SMIM31: variants seen among roughly 807,000 people sequenced by gnomAD.
SMIM31 encodes the protein small integral membrane protein 31, also known as human epithelial cell program regulator.
chr4:164,774,664 T>A (rs1358520203), intron 2 of SMIM31, among the ~76,000 whole-genome samples: 2 of 152,196 alleles, frequency 1.3e-5, no homozygotes, highest in African/African-American at 2.4e-5. Context: ...CACATCAACA[T>A]CTCATCCATT....
intron 1 of SMIM31, among the ~76,000 whole-genome samples, chr4:164,758,044 T>G (rs1732589666): frequency 6.6e-6 from 1 of 152,170 alleles, no homozygotes; most frequent in Non-Finnish European, 1.5e-5. Flanking sequence ...CGTATATCTC[T>G]CAATTTATTT....
intron 2 of SMIM31, among the ~76,000 whole-genome samples, chr4:164,774,476 A>G (rs1732855276): frequency 6.6e-6 from 1 of 152,200 alleles, no homozygotes; most frequent in South Asian, 2.1e-4. Context: ...ACCCCAAAAT[A>G]GTGTGAAGTG....
intron 2 of SMIM31, among the ~76,000 whole-genome samples, chr4:164,785,974 G>T (rs1233006345): frequency 2.0e-5 from 3 of 152,212 alleles, no homozygotes; most frequent in Admixed American, 2.0e-4. Context: ...AGGGATGGTG[G>T]TTGTCCCTAA....
chr4:164,762,167 G>A (rs942285778), intron 1 of SMIM31, among the ~76,000 whole-genome samples: 1 of 152,122 alleles, frequency 6.6e-6, no homozygotes, highest in Non-Finnish European at 1.5e-5. Context: ...AGGAACTTTG[G>A]GGTGTGAAGC....
chr4:164,760,528 C>G (rs939454539), intron 1 of SMIM31, among the ~76,000 whole-genome samples: 2 of 149,732 alleles, frequency 1.3e-5, no homozygotes, highest in Non-Finnish European at 3.0e-5. Context: ...GTCAGGAGTT[C>G]AAGACCAGCC....
intron 1 of SMIM31, among the ~76,000 whole-genome samples, chr4:164,759,158 G>A (rs774069769): frequency 2.6e-5 from 4 of 151,786 alleles, no homozygotes; most frequent in South Asian, 2.1e-4. Context: ...ATATTAGTCC[G>A]CAATTTACTT....
intron 2 of SMIM31, among the ~76,000 whole-genome samples, chr4:164,788,493 T>TC (rs1733057970): frequency 8.4e-6 from 1 of 119,294 alleles, no homozygotes; most frequent in Admixed American, 8.4e-5. Context: ...TTTTTTTTTT[T>TC]TTTTTTTTTT....
intron 2 of SMIM31, among the ~76,000 whole-genome samples, chr4:164,798,233 T>TA (rs1257227947): frequency 1.3e-4 from 20 of 150,044 alleles, no homozygotes; most frequent in Non-Finnish European, 2.4e-4. Context: ...GATTTTTATT[T>TA]TTTTTTTTTA....
intron 2 of SMIM31, among the ~76,000 whole-genome samples, chr4:164,793,915 A>G (rs190285979): frequency 1.1e-3 from 162 of 152,336 alleles, no homozygotes; most frequent in African/African-American, 3.8e-3. Flanking sequence ...AAAACATGAG[A>G]AAAGCATCGT....
At chr4:164,800,938 GCT>G (rs1272938571) in intron 2 of SMIM31, among the ~76,000 whole-genome samples, 151 bp from the exon 3 acceptor site, 2 of 152,070 alleles carry the variant, frequency 1.3e-5, no homozygotes, top group Non-Finnish European at 2.9e-5. Context: ...TCTCATCCTT[GCT>G]CTGTCTCCTT....
chr4:164,774,255 G>A (rs1732852734), intron 2 of SMIM31, among the ~76,000 whole-genome samples: 1 of 151,756 alleles, frequency 6.6e-6, no homozygotes, highest in Non-Finnish European at 1.5e-5. Context: ...CACACACTGG[G>A]TCAATGTCTT....
At chr4:164,790,195 A>T (rs1026491659) in intron 2 of SMIM31, among the ~76,000 whole-genome samples, 2 of 152,230 alleles carry the variant, frequency 1.3e-5, no homozygotes, top group Non-Finnish European at 2.9e-5. Flanking sequence ...TAAAAACTAT[A>T]CATGAAATGC....
intron 2 of SMIM31, among the ~76,000 whole-genome samples, chr4:164,800,723 C>A (rs924238866): frequency 3.3e-5 from 5 of 152,282 alleles, no homozygotes; most frequent in Non-Finnish European, 5.9e-5. Flanking sequence ...ACAGCTTTCT[C>A]TGTCTTTATA....
intron 2 of SMIM31, among the ~76,000 whole-genome samples, chr4:164,794,356 C>A (rs552920998): frequency 6.6e-6 from 1 of 151,888 alleles, no homozygotes; most frequent in East Asian, 1.9e-4. Context: ...GCACTCCAGT[C>A]TGGGTGACAG....
intron 2 of SMIM31, among the ~76,000 whole-genome samples, chr4:164,771,358 T>C (rs1281968656): frequency 2.0e-5 from 3 of 152,168 alleles, no homozygotes; most frequent in African/African-American, 7.2e-5. Flanking sequence ...AAAACCAAAA[T>C]AGCAGTTACT....
intron 2 of SMIM31, among the ~76,000 whole-genome samples, chr4:164,784,571 G>A (rs941776864): frequency 1.2e-4 from 18 of 152,152 alleles, no homozygotes; most frequent in Non-Finnish European, 1.6e-4. Context: ...GAAGAATATG[G>A]TTTGTTGATT....
intron 2 of SMIM31, among the ~76,000 whole-genome samples, chr4:164,783,255 G>C (rs1320041140): frequency 6.7e-6 from 1 of 150,120 alleles, no homozygotes; most frequent in Non-Finnish European, 1.5e-5. Flanking sequence ...CGGGTGCTGT[G>C]GCTCACACCT....
intron 1 of SMIM31, among the ~76,000 whole-genome samples, chr4:164,760,606 G>T (rs1241426554): frequency 1.3e-5 from 2 of 151,592 alleles, no homozygotes; most frequent in Non-Finnish European, 2.9e-5. Flanking sequence ...CAGGTGTGGT[G>T]GTGGGCGCCT....
chr4:164,798,140 A>T (rs1733229443), intron 2 of SMIM31, among the ~76,000 whole-genome samples: 1 of 152,178 alleles, frequency 6.6e-6, no homozygotes, highest in Admixed American at 6.5e-5. Flanking sequence ...CCATTGATGG[A>T]CACTTAGGTT....
Sources: gnomAD v4.1 joint callset for allele counts (sites outside exome capture counted in the v4.1 genomes callset) on GRCh38, gnomAD v4.1.1 for gene constraint, MANE v1.5 for transcripts, NCBI Gene and HGNC (gene_info 2026-07-23, HGNC 2026-07-21) for gene names.